The following GSTO2 variants were observed in gnomAD, a reference collection of about 807,000 sequenced individuals.
The protein encoded by GSTO2 is glutathione S-transferase omega 2.
GSTO2 carries 23 observed loss-of-function variants against 28.4 expected under a neutral mutation model. That is an observed-to-expected ratio of 0.81 (90% CI 0.58 to 1.15). The LOEUF is 1.15. Ranked by LOEUF, GSTO2 falls within the 50% of genes most tolerant of loss-of-function variation. The probability of loss-of-function intolerance (pLI) is 0.00; values close to 1 mark genes in which losing one functional copy is unlikely to be tolerated. For missense variants in GSTO2, 298 were observed against 297.8 expected (o/e 1.00, Z 0.00); for synonymous variants, 109 against 111.0 (o/e 0.98, Z 0.11).
intron 5 of GSTO2, 190 bp from the exon 6 acceptor site, chr10:104,297,388 A>G: frequency 2.1e-6 from 1 of 465,616 alleles, no homozygotes; most frequent in South Asian, 2.3e-5. Flanking sequence ...AGAGGTGGCC[A>G]GGAGTGTGAC....
chr10:104,275,958 C>G (rs889837157), intron 3 of GSTO2, among the ~76,000 whole-genome samples: 2 of 152,146 alleles, frequency 1.3e-5, no homozygotes, highest in African/African-American at 4.8e-5. Context: ...ACCTTGAAAA[C>G]TTGAGAAATG....
rs2013283517 is a variant in GSTO2 at position 104,302,414 on chromosome 10, G to A, written c.*3130G>A. 2 of 152,334 alleles carry A rather than the reference G, an allele frequency of 1.3e-5. No homozygotes were observed. The highest frequency in any genetic ancestry group is 6.5e-5 in the Admixed American group (1 of 15,278). 9.4% of individuals were successfully genotyped at this position (152,334 alleles called of 1,614,324 possible). A position where few individuals can be genotyped will look rare whatever the true frequency, so the allele number is the denominator to read the frequency against. ...ATGTTAACATCAGAATGGAGGTTGT[G>A]TGGAGTTCCCCTCCTTGGAGGTTCT... is the stretch of plus-strand genomic sequence containing the variant. On this transcript the variant is annotated 3_prime_UTR_variant, in exon 7 of 7. Coordinates refer to ENST00000338595, the MANE Select transcript of GSTO2 (RefSeq NM_183239.2).
Position 104,300,493 on chromosome 10 carries a change from G to C in GSTO2, c.*1209G>C, listed in dbSNP as rs968282275. 6.6e-6 allele frequency: 1 copy of C among 152,300 alleles called. No individual in the cohort carries two copies. The highest frequency in any genetic ancestry group is 1.5e-5 in the Non-Finnish European group (1 of 68,098). 9.4% of individuals were successfully genotyped at this position (152,300 alleles called of 1,614,324 possible). A position where few individuals can be genotyped will look rare whatever the true frequency, so the allele number is the denominator to read the frequency against. The stretch of plus-strand genomic sequence containing the variant: ...TAAACCTAGCGCTTTGGAGCTGCTT[G>C]TCTGTTGTAGGGATGCTTGTCTCTG... On this transcript the variant is annotated 3_prime_UTR_variant, in exon 7 of 7. Coordinates refer to ENST00000338595, the MANE Select transcript of GSTO2 (RefSeq NM_183239.2).
At position 104,302,207 on chromosome 10, in the gene GSTO2, G is replaced by C. The variant is rs546938802; in HGVS notation, c.*2923G>C. The C allele has an allele frequency of 6.6e-6, 1 of 152,120 alleles. No individual in the cohort carries two copies. The highest frequency in any genetic ancestry group is 2.4e-5 in the African/African-American group (1 of 41,404). The allele number at this position is 152,120 out of a possible 1,614,324, so 9.4% of individuals were successfully genotyped here. On this transcript the variant is annotated 3_prime_UTR_variant, in exon 7 of 7. Coordinates refer to ENST00000338595, the MANE Select transcript of GSTO2 (RefSeq NM_183239.2). ...GCATAGGGAAAACACTCCCACAATC[G>C]AATCACCTCCCTTGAGGTCCCTCCC...
At chr10:104,295,051 T>C (rs1224436223) in intron 5 of GSTO2, 5 of 152,034 alleles carry the variant, frequency 3.3e-5, no homozygotes, top group Non-Finnish European at 7.4e-5. Flanking sequence ...GTAAATTTGG[T>C]TCTGATTTGT....
intron 1 of GSTO2, among the ~76,000 whole-genome samples, chr10:104,270,169 G>A (rs890037253): frequency 2.6e-5 from 4 of 152,022 alleles, no homozygotes; most frequent in East Asian, 3.9e-4. Context: ...GCCCGCCACC[G>A]CGCCCGGCTA....
At chr10:104,279,311 G>A (rs961147318) in intron 4 of GSTO2, 59 bp from the exon 5 acceptor site, 7 of 1,430,374 alleles carry the variant, frequency 4.9e-6, no homozygotes, top group Non-Finnish European at 6.9e-6. Context: ...TTTTCAGGCA[G>A]AACAGGAACT....
At chr10:104,276,636 T>C (rs1459317672) in intron 3 of GSTO2, among the ~76,000 whole-genome samples, 1 of 152,206 alleles carries the variant, frequency 6.6e-6, no homozygotes, top group Non-Finnish European at 1.5e-5. Context: ...CGAGACCCAT[T>C]GCTTTAGGTT....
rs2013225148 is a variant in GSTO2, at chr10:104,300,466, T to G, written c.*1182T>G. ...TCTCTCCACTTATCTTGGTTGAGGT[T>G]TTAAACCTAGCGCTTTGGAGCTGCT... On this transcript the variant is annotated 3_prime_UTR_variant, in exon 7 of 7. Coordinates refer to ENST00000338595, the MANE Select transcript of GSTO2 (RefSeq NM_183239.2). The G allele has an allele frequency of 6.6e-6, 1 of 152,306 alleles. No homozygotes were observed. Among genetic ancestry groups the G allele is most frequent in the Non-Finnish European group, 1.5e-5 (1 of 68,102 alleles). The allele number at this position is 152,306 out of a possible 1,614,324, so 9.4% of individuals were successfully genotyped here.
intron 6 of GSTO2, among the ~76,000 whole-genome samples, chr10:104,298,329 C>A (rs2013139647): frequency 6.6e-6 from 1 of 152,220 alleles, no homozygotes; most frequent in African/African-American, 2.4e-5. Flanking sequence ...GGGTGCTGGA[C>A]ATTTCTGGCA....
Position 104,299,301 on chromosome 10 carries a change from C to G in GSTO2, c.*17C>G, listed in dbSNP as rs765318521. The G allele has an allele frequency of 1.2e-6, 2 of 1,613,454 alleles. No individual in the cohort carries two copies. The highest frequency in any genetic ancestry group is 1.7e-6 in the Non-Finnish European group (2 of 1,179,736). ...CTGTGCTGAGTCTCACTGTCCACCC[C>G]TTCGCTGTCCAGAATTCCCCAGCTT... On this transcript the variant is annotated 3_prime_UTR_variant, in exon 7 of 7. Coordinates refer to ENST00000338595, the MANE Select transcript of GSTO2 (RefSeq NM_183239.2).
intron 5 of GSTO2, among the ~76,000 whole-genome samples, chr10:104,282,975 T>G (rs2012170212): frequency 6.6e-6 from 1 of 152,276 alleles, no homozygotes; most frequent in African/African-American, 2.4e-5. Flanking sequence ...TGTTTAAGAA[T>G]CAATTTTCTC....
rs2013208803 is a variant in GSTO2 at position 104,299,875 on chromosome 10, T to G, written c.*591T>G. 1 of 156,088 alleles carries G rather than the reference T, an allele frequency of 6.4e-6. No homozygotes were observed. The highest frequency in any genetic ancestry group is 1.4e-5 in the Non-Finnish European group (1 of 70,958). The allele number at this position is 156,088 out of a possible 1,614,324, so 9.7% of individuals were successfully genotyped here. ...CCTCCTAACTCCTTGGCCTTCAGCCTAGTTTGATCTCCAGATTATTGGTGC... is the reference window on the plus strand; with the variant it reads ...CCTCCTAACTCCTTGGCCTTCAGCCGAGTTTGATCTCCAGATTATTGGTGC... On this transcript the variant is annotated 3_prime_UTR_variant, in exon 7 of 7. Coordinates refer to ENST00000338595, the MANE Select transcript of GSTO2 (RefSeq NM_183239.2).
chr10:104,292,466 C>T (rs574031803), intron 5 of GSTO2, among the ~76,000 whole-genome samples: 1 of 143,022 alleles, frequency 7.0e-6, no homozygotes, highest in Admixed American at 7.0e-5. Flanking sequence ...CCACCAATAT[C>T]TTTTTTTTTT....
Position 104,297,702 on chromosome 10 carries a change from G to A in GSTO2, c.575+18G>A, listed in dbSNP as rs1018803392. On this transcript the variant is annotated intron_variant, in intron 6 of 6. Transcript: ENST00000338595. ...ATACTGGAGTAAGACATTTGACATT[G>A]TGGTGTTAAATTCCCGGAGTCACAC... 8 of 1,547,852 alleles carry A rather than the reference G, an allele frequency of 5.2e-6. No homozygotes were observed. The highest frequency in any genetic ancestry group is 7.1e-6 in the Non-Finnish European group (8 of 1,120,190).
chr10:104,290,551 G>A (rs563904408), intron 5 of GSTO2, among the ~76,000 whole-genome samples: 1 of 151,916 alleles, frequency 6.6e-6, no homozygotes, highest in African/African-American at 2.4e-5. Context: ...ACACAATGGA[G>A]TACTATTTGG....
chr10:104,289,348 G>C (rs1010397524), intron 5 of GSTO2, among the ~76,000 whole-genome samples: 1 of 152,096 alleles, frequency 6.6e-6, no homozygotes, highest in African/African-American at 2.4e-5. Context: ...CTTCCACCTT[G>C]GTCTCCCAAA....
At chr10:104,282,870 CA>C (rs2012160243) in intron 5 of GSTO2, among the ~76,000 whole-genome samples, 1 of 152,130 alleles carries the variant, frequency 6.6e-6, no homozygotes, top group Non-Finnish European at 1.5e-5. Flanking sequence ...CTTAGAAGAA[CA>C]ATGTATGGTC....
Position 104,297,621 on chromosome 10 carries a change from T to C in GSTO2, c.512T>C (p.Ile171Thr). The change falls in exon 6 of 7, where the codon ATA becomes ACA. Residue 171 changes from isoleucine to threonine, a missense_variant. Transcript: ENST00000338595. ...QNTTFFGGTC[I>T]SMIDYLLWPW... ...ACCACCTTCTTTGGTGGAACCTGTA[T>C]ATCCATGATTGATTACCTCCTCTGG... The C allele has an allele frequency of 6.2e-7, 1 of 1,613,934 alleles. No individual in the cohort carries two copies. The highest frequency in any genetic ancestry group is 8.5e-7 in the Non-Finnish European group (1 of 1,179,822).
Sources: gnomAD v4.1 joint callset for allele counts (sites outside exome capture counted in the v4.1 genomes callset) on GRCh38, gnomAD v4.1.1 for gene constraint, MANE v1.5 for transcripts, NCBI Gene and HGNC (gene_info 2026-07-23, HGNC 2026-07-21) for gene names.